NRXN3: variants seen among roughly 807,000 people sequenced by gnomAD.
NRXN3 encodes neurexin 3.
A neutral mutation model predicts 137.6 loss-of-function variants in NRXN3; 32 were observed. That is an observed-to-expected ratio of 0.23 (90% CI 0.18 to 0.31). The LOEUF (loss-of-function observed/expected upper bound fraction) is 0.31. Ranked by LOEUF, NRXN3 falls within the 10% of genes least tolerant of loss-of-function variation. The pLI is 1.00. For synonymous variants in NRXN3, 798 were observed against 784.5 expected (o/e 1.02, Z -0.29); for missense variants, 1,574 against 2,062.5 (o/e 0.76, Z 4.59).
chr14:79,119,052 C>G (rs1330366374), intron 15 of NRXN3, among the ~76,000 whole-genome samples: 1 of 152,066 alleles, frequency 6.6e-6, no homozygotes. Flanking sequence ...TTTTAAAACC[C>G]AAATTTTGTT....
chr14:79,431,269 T>C (rs1469010729), intron 15 of NRXN3, among the ~76,000 whole-genome samples: 4 of 152,200 alleles, frequency 2.6e-5, no homozygotes. Flanking sequence ...TAGACCTTTG[T>C]CTGAGAATTG....
chr14:79,798,235 C>A lies in NRXN3; in HGVS notation c.4015-6877C>A, dbSNP rs568655588. Among the ~76,000 whole-genome samples, 3 of 152,134 alleles carry A rather than the reference C, an allele frequency of 2.0e-5. No individual in the cohort carries two copies. In the South Asian group the frequency reaches 6.2e-4, roughly 32 times the overall value. Reference sequence around the variant, plus strand: ...AAAAAAAAGGTCAAACTTTTCAAATCTCATTAAAGGTTATAGGTTTACTTA... The same window carrying A: ...AAAAAAAAGGTCAAACTTTTCAAATATCATTAAAGGTTATAGGTTTACTTA... On this transcript the variant is annotated intron_variant, in intron 19 of 20. Coordinates refer to ENST00000335750, the MANE Select transcript of NRXN3 (RefSeq NM_001330195.2).
intron 15 of NRXN3, among the ~76,000 whole-genome samples, chr14:79,247,548 C>G (rs776284673): frequency 3.3e-5 from 5 of 152,114 alleles, no homozygotes; most frequent in Non-Finnish European, 5.9e-5. Flanking sequence ...CATATTTTCC[C>G]TGGCAGAAAT....
chr14:78,945,222 G>A (rs1284868766), intron 10 of NRXN3, among the ~76,000 whole-genome samples: 1 of 152,064 alleles, frequency 6.6e-6, no homozygotes, highest in Admixed American at 6.6e-5. Flanking sequence ...ACTATTAAGG[G>A]TTTTATTTTT....
intron 11 of NRXN3, among the ~76,000 whole-genome samples, chr14:78,957,942 C>T (rs564132342): frequency 6.6e-6 from 1 of 152,262 alleles, no homozygotes; most frequent in South Asian, 2.1e-4. Context: ...AATCTTTGGC[C>T]TGGTGGGATT....
chr14:79,474,809 A>C (rs1320476317), intron 16 of NRXN3, among the ~76,000 whole-genome samples: 2 of 152,110 alleles, frequency 1.3e-5, no homozygotes, highest in East Asian at 3.9e-4. Flanking sequence ...CAGGGAAAGA[A>C]GAGAAGAAGG....
intron 15 of NRXN3, among the ~76,000 whole-genome samples, chr14:79,333,065 A>G (rs1211886012): frequency 6.6e-6 from 1 of 152,058 alleles, no homozygotes; most frequent in Non-Finnish European, 1.5e-5. Context: ...ATCCCGGGAA[A>G]ATACCATGCA....
At chr14:78,394,425 A>T (rs1253001483) in intron 4 of NRXN3, among the ~76,000 whole-genome samples, 2 of 151,928 alleles carry the variant, frequency 1.3e-5, no homozygotes, top group African/African-American at 4.8e-5. Context: ...AGTATACCCC[A>T]GTTGGTCATG....
At chr14:78,282,781 C>G (rs2074590857) in intron 3 of NRXN3, among the ~76,000 whole-genome samples, 2 of 152,230 alleles carry the variant, frequency 1.3e-5, no homozygotes, top group African/African-American at 4.8e-5. Flanking sequence ...GGGCCTTGCC[C>G]TGTCTCCAGG....
chr14:79,519,005 A>G (rs2097028057), intron 16 of NRXN3, among the ~76,000 whole-genome samples: 2 of 151,794 alleles, frequency 1.3e-5, no homozygotes, highest in East Asian at 3.9e-4. Context: ...AAAATTCTCT[A>G]CTCTTTAAAA....
At chr14:78,940,361 C>T (rs31447) in intron 10 of NRXN3, among the ~76,000 whole-genome samples, 1,844 of 152,312 alleles carry the variant, frequency 0.012, 42 homozygotes, top group African/African-American at 0.042. Context: ...TATGCACACA[C>T]ACACTCCCAA....
intron 15 of NRXN3, among the ~76,000 whole-genome samples, chr14:79,222,960 T>C (rs1290460994): frequency 6.6e-6 from 1 of 152,188 alleles, no homozygotes; most frequent in Admixed American, 6.6e-5. Flanking sequence ...TTTCCCATTA[T>C]GGCTTATCTT....
At chr14:78,609,235 G>A (rs1219738827) in intron 4 of NRXN3, among the ~76,000 whole-genome samples, 1 of 151,904 alleles carries the variant, frequency 6.6e-6, no homozygotes, top group Non-Finnish European at 1.5e-5. Context: ...TCATTTGGAG[G>A]AGGAAGTAGT....
chr14:79,348,636 CA>C (rs2093031615), intron 15 of NRXN3, among the ~76,000 whole-genome samples: 1 of 152,148 alleles, frequency 6.6e-6, no homozygotes, highest in Non-Finnish European at 1.5e-5. Flanking sequence ...CTCGGCCTCC[CA>C]AAGTGCTGGG....
intron 1 of NRXN3, among the ~76,000 whole-genome samples, chr14:78,236,135 A>G (rs1017160464): frequency 1.2e-4 from 18 of 152,226 alleles, no homozygotes; most frequent in Non-Finnish European, 4.4e-5. Flanking sequence ...GAAATATAGC[A>G]TACATAGAGA....
At chr14:78,642,422 G>A (rs561494294) in intron 4 of NRXN3, among the ~76,000 whole-genome samples, 2 of 152,274 alleles carry the variant, frequency 1.3e-5, no homozygotes, top group Non-Finnish European at 2.9e-5. Context: ...AATATCTGGT[G>A]CCTTGCTGTT....
rs1055671806 is a variant in NRXN3, at chr14:78,215,231, G to T, written c.-703-27160G>T. 2.0e-5 allele frequency among the ~76,000 whole-genome samples: 3 copies of T among 152,148 alleles called. No homozygotes were observed. The South Asian group carries it at 6.2e-4, about 32-fold the overall frequency. ...CCTCTCCCCCTGACCCTGTAGATGA[G>T]ATCTTTTTATGTATTTCTAAAAAGG... On this transcript the variant is annotated intron_variant, in intron 1 of 20. Coordinates refer to ENST00000335750, the MANE Select transcript of NRXN3 (RefSeq NM_001330195.2).
At chr14:78,699,542 A>G (rs1281643870) in intron 6 of NRXN3, among the ~76,000 whole-genome samples, 6 of 152,360 alleles carry the variant, frequency 3.9e-5, no homozygotes, top group Non-Finnish European at 7.3e-5. Flanking sequence ...GAATAAAAAT[A>G]ACAGTAGTTT....
At chr14:78,350,596 G>T (rs573093510) in intron 4 of NRXN3, among the ~76,000 whole-genome samples, 2 of 152,206 alleles carry the variant, frequency 1.3e-5, no homozygotes, top group East Asian at 3.9e-4. Flanking sequence ...TATTCTGAAG[G>T]TGAAGGTGAA....
Sources: allele counts gnomAD v4.1 joint callset (sites outside exome capture counted in the v4.1 genomes callset), GRCh38; gene constraint gnomAD v4.1.1; transcripts MANE v1.5; gene names NCBI Gene and HGNC (gene_info 2026-07-23, HGNC 2026-07-21).